ACTR1B: variants seen among roughly 807,000 people sequenced by gnomAD.
The protein encoded by ACTR1B is beta-centractin.
In ACTR1B, 34 loss-of-function variants were observed where a neutral mutation model predicts 49.4. That is an observed-to-expected ratio of 0.69 (90% confidence interval 0.52 to 0.92). The LOEUF (loss-of-function observed/expected upper bound fraction) is 0.92. Among genes scored for constraint, ACTR1B ranks in the 40% least tolerant of loss-of-function variants. The probability of loss-of-function intolerance (pLI) is 0.00; values close to 1 mark genes in which losing one functional copy is unlikely to be tolerated. For missense variants in ACTR1B, 471 were observed against 522.4 expected (o/e 0.90, Z 0.96); for synonymous variants, 207 against 207.8 (o/e 1.00, Z 0.03).
intron 8 of ACTR1B, 83 bp from the exon 9 acceptor site, chr2:97,657,592 C>T: frequency 1.5e-6 from 2 of 1,378,214 alleles, no homozygotes; most frequent in Non-Finnish European, 2.1e-6. Flanking sequence ...TCAGGGCCCC[C>T]AGCTACTGCT....
rs925663655 is a variant in ACTR1B at position 97,656,806 on chromosome 2, C to T, written c.*52G>A. 5.5e-6 allele frequency: 8 copies of T among 1,465,438 alleles called. No individual in the cohort carries two copies. In the African/African-American group the frequency reaches 9.8e-5, roughly 18 times the overall value. 90.8% of individuals were successfully genotyped at this position (1,465,438 alleles called of 1,614,324 possible). ...AGCCAAGACCAAAAAGGGTTAAAGG[C>T]TCTGTCTCCCCTCCCTCCCCCTCTC... On this transcript the variant is annotated 3_prime_UTR_variant, in exon 11 of 11. Coordinates refer to ENST00000289228, the MANE Select transcript of ACTR1B (RefSeq NM_005735.4).
rs555644498 is a variant in ACTR1B, at chr2:97,657,079, T to C, written c.1028+73A>G. ...GAAATCCACCCACCTCCACGTGGCC[T>C]AGGCCAACAATGGGAGGAGCATCCA... On this transcript the variant is annotated intron_variant, in intron 10 of 10. Coordinates refer to ENST00000289228, the MANE Select transcript of ACTR1B (RefSeq NM_005735.4). 1.7e-5 allele frequency: 27 copies of C among 1,595,456 alleles called. No homozygotes were observed. In the Admixed American group the frequency reaches 3.4e-4, roughly 20 times the overall value.
intron 2 of ACTR1B, 22 bp downstream of exon 2, chr2:97,661,860 C>T: frequency 6.3e-7 from 1 of 1,574,946 alleles, no homozygotes; most frequent in Non-Finnish European, 8.6e-7. Context: ...AGGACTAAGG[C>T]TGCTGCCTGA....
In ACTR1B at chr2:97,659,149, G is replaced by A; in HGVS notation, c.316-146C>T. On this transcript the variant is annotated intron_variant, in intron 4 of 10. Coordinates refer to ENST00000289228, the MANE Select transcript of ACTR1B (RefSeq NM_005735.4). This position sits in a 1 kb window ranked among gnomAD's most constrained non-coding sequence, Gnocchi z 4.0. ...GGCCCCATCCCTTTATCTGCTGGCA[G>A]TTACTCTTCCGGAGATCCGGCTCTC... 1 of 1,461,280 alleles carries A rather than the reference G, an allele frequency of 6.8e-7. No homozygotes were observed. Among genetic ancestry groups the A allele is most frequent in the Non-Finnish European group, 9.3e-7 (1 of 1,070,386 alleles). The allele number at this position is 1,461,280 out of a possible 1,614,324, so 90.5% of individuals were successfully genotyped here. A position where few individuals can be genotyped will look rare whatever the true frequency, so the allele number is the denominator to read the frequency against.
At chr2:97,661,623 C>A (rs1675012477) in intron 2 of ACTR1B, among the ~76,000 whole-genome samples, 1 of 152,242 alleles carries the variant, frequency 6.6e-6, no homozygotes, top group African/African-American at 2.4e-5. Flanking sequence ...TACCACACCC[C>A]ATCCCCAGGG....
In ACTR1B at chr2:97,663,884, A is replaced by C. The variant is rs1311846712; in HGVS notation, c.7T>G (p.Ser3Ala). 1 of 1,353,376 alleles carries C rather than the reference A, an allele frequency of 7.4e-7. No individual in the cohort carries two copies. The highest frequency in any genetic ancestry group is 9.7e-7 in the Non-Finnish European group (1 of 1,035,694). 83.8% of individuals were successfully genotyped at this position (1,353,376 alleles called of 1,614,324 possible). Residue 3 changes from serine (S) to alanine (A), a missense_variant, in exon 1 of 11, where the codon TCC becomes GCC. Coordinates refer to ENST00000289228, the MANE Select transcript of ACTR1B (RefSeq NM_005735.4). ME[S>A]YDIIANQPVV... The stretch of plus-strand genomic sequence containing the variant: ...GGCTGGTTGGCGATGATGTCGTAGG[A>C]CTCCATGGCCGGGCCGCGCCGGCCC...
rs1674942376 is a variant in ACTR1B, at chr2:97,659,107, C to T, written c.316-104G>A. ...CCCGCTGGCGCACAGGCAGCTCAGCCTCCTACCCCTCCTGAGGGCCCCATC... is the reference window on the plus strand; with the variant it reads ...CCCGCTGGCGCACAGGCAGCTCAGCTTCCTACCCCTCCTGAGGGCCCCATC... On this transcript the variant is annotated intron_variant, in intron 4 of 10. Transcript: ENST00000289228. The surrounding 1 kb of genome is among the most constrained non-coding windows in gnomAD (Gnocchi z 4.0). 13 of 1,549,386 alleles carry T rather than the reference C, an allele frequency of 8.4e-6. No homozygotes were observed. Among genetic ancestry groups the T allele is most frequent in the Non-Finnish European group, 6.2e-6 (7 of 1,135,318 alleles).
chr2:97,663,516 AG>A (rs1675086143), intron 1 of ACTR1B, among the ~76,000 whole-genome samples: 1 of 152,210 alleles, frequency 6.6e-6, no homozygotes, highest in African/African-American at 2.4e-5. Flanking sequence ...AAACCTGCCC[AG>A]GAACCGCACT....
Position 97,660,647 on chromosome 2 carries a change from CTG to C in ACTR1B, c.114-3_114-2del. ...CCGCATGTGCTTCGGCCGCCCGACA[CTG>C]TTAGGACGGATAACGTCAGCAAGGT... On this transcript the variant is annotated splice_acceptor_variant and splice_polypyrimidine_tract_variant and intron_variant, in intron 2 of 10. Coordinates refer to ENST00000289228, the MANE Select transcript of ACTR1B (RefSeq NM_005735.4). LOFTEE classifies it high-confidence loss of function. 1 of 1,614,044 alleles carries C rather than the reference CTG, an allele frequency of 6.2e-7. No individual in the cohort carries two copies.
rs58184071 is a variant in ACTR1B at position 97,661,972 on chromosome 2, G to A, written c.49-26C>T. Reference sequence around the variant, plus strand: ...CTGCAAGGAAAAACAAAGTTGAGCTGCCCACATGCACCACCAGATGAAGCC... The same window carrying A: ...CTGCAAGGAAAAACAAAGTTGAGCTACCCACATGCACCACCAGATGAAGCC... On this transcript the variant is annotated intron_variant, in intron 1 of 10. Coordinates refer to ENST00000289228, the MANE Select transcript of ACTR1B (RefSeq NM_005735.4). 1.9e-3 allele frequency: 2,968 copies of A among 1,570,090 alleles called. 49 individuals are homozygous for A. The African/African-American group carries it at 0.033, about 18-fold the overall frequency.
chr2:97,656,505 A>C lies in ACTR1B; in HGVS notation c.*353T>G. 1 of 271,356 alleles carries C rather than the reference A, an allele frequency of 3.7e-6. No individual in the cohort carries two copies. The highest frequency in any genetic ancestry group is 7.2e-6 in the Non-Finnish European group (1 of 138,992). The allele number at this position is 271,356 out of a possible 1,614,324, so 16.8% of individuals were successfully genotyped here. The stretch of plus-strand genomic sequence containing the variant: ...TTGCAGCCCACTCCCCAAACTGGCT[A>C]CCCAGGCATCCAGGCATTCTGGCCC... On this transcript the variant is annotated 3_prime_UTR_variant, in exon 11 of 11. Transcript: ENST00000289228.
chr2:97,660,189 C>T (rs1028001024), intron 3 of ACTR1B, among the ~76,000 whole-genome samples: 3 of 152,256 alleles, frequency 2.0e-5, no homozygotes, highest in Admixed American at 2.0e-4. Flanking sequence ...CCCACACCCA[C>T]ACATGCTCTC....
Position 97,664,035 on chromosome 2 carries a change from G to C in ACTR1B, c.-145C>G. 2.8e-6 allele frequency: 1 copy of C among 363,268 alleles called. No homozygotes were observed. Among genetic ancestry groups the C allele is most frequent in the Non-Finnish European group, 4.6e-6 (1 of 216,270 alleles). The allele number at this position is 363,268 out of a possible 1,614,324, so 22.5% of individuals were successfully genotyped here. A position where few individuals can be genotyped will look rare whatever the true frequency, so the allele number is the denominator to read the frequency against. The stretch of plus-strand genomic sequence containing the variant: ...AGCCTGCAGCCTACGCGAGCCCCGC[G>C]GGGCTTTCTGGAGGGCGGGCCCGGC... On this transcript the variant is annotated 5_prime_UTR_variant, in exon 1 of 11. Transcript: ENST00000289228.
Position 97,659,485 on chromosome 2 carries a change from G to A in ACTR1B, c.190-8C>T, listed in dbSNP as rs1381531258. 6.2e-7 allele frequency: 1 copy of A among 1,612,808 alleles called. No homozygotes were observed. The highest frequency in any genetic ancestry group is 2.2e-5 in the East Asian group (1 of 44,872). On this transcript the variant is annotated splice_polypyrimidine_tract_variant and splice_region_variant and intron_variant, in intron 3 of 10. Coordinates refer to ENST00000289228, the MANE Select transcript of ACTR1B (RefSeq NM_005735.4). The surrounding 1 kb of genome is among the most constrained non-coding windows in gnomAD (Gnocchi z 4.0). ...CAGCAGCCCCCGGTGCTCCTGGTGG[G>A]GTGGGAAGGGAGGTGTGGCACCCGG... is the stretch of plus-strand genomic sequence containing the variant.
Position 97,657,616 on chromosome 2 carries a change from C to T in ACTR1B, c.926-107G>A, listed in dbSNP as rs1033201854. 2.8e-5 allele frequency: 32 copies of T among 1,162,720 alleles called. No homozygotes were observed. The Admixed American group carries it at 4.2e-4, about 15-fold the overall frequency. 72.0% of individuals were successfully genotyped at this position (1,162,720 alleles called of 1,614,324 possible). Reference sequence around the variant, plus strand: ...CCAGCTACTGCTGGTCCTCTATCAGCAGCTCTTCCCAGGATGAAGGGCAAG... The same window carrying T: ...CCAGCTACTGCTGGTCCTCTATCAGTAGCTCTTCCCAGGATGAAGGGCAAG... On this transcript the variant is annotated intron_variant, in intron 8 of 10. Coordinates refer to ENST00000289228, the MANE Select transcript of ACTR1B (RefSeq NM_005735.4).
At chr2:97,663,540 G>A (rs182434729) in intron 1 of ACTR1B, among the ~76,000 whole-genome samples, 29 of 152,302 alleles carry the variant, frequency 1.9e-4, no homozygotes, top group Non-Finnish European at 3.1e-4. Flanking sequence ...CAACTGAGAA[G>A]AGTCCGGGGC....
intron 3 of ACTR1B, among the ~76,000 whole-genome samples, chr2:97,660,289 G>A (rs892627326): frequency 6.6e-6 from 1 of 152,256 alleles, no homozygotes; most frequent in Admixed American, 6.5e-5. Flanking sequence ...TAGAGCAGAC[G>A]TGAAGTGTGT....
Position 97,664,043 on chromosome 2 carries a change from C to G in ACTR1B, c.-153G>C. On this transcript the variant is annotated 5_prime_UTR_variant, in exon 1 of 11. Coordinates refer to ENST00000289228, the MANE Select transcript of ACTR1B (RefSeq NM_005735.4). The stretch of plus-strand genomic sequence containing the variant: ...GCCTACGCGAGCCCCGCGGGGCTTT[C>G]TGGAGGGCGGGCCCGGCGGCCAATC... 1 of 341,630 alleles carries G rather than the reference C, an allele frequency of 2.9e-6. No homozygotes were observed. The highest frequency in any genetic ancestry group is 5.1e-6 in the Non-Finnish European group (1 of 197,824). The allele number at this position is 341,630 out of a possible 1,614,324, so 21.2% of individuals were successfully genotyped here.
intron 2 of ACTR1B, among the ~76,000 whole-genome samples, chr2:97,661,583 G>C (rs889831413): frequency 2.0e-5 from 3 of 152,204 alleles, no homozygotes; most frequent in Non-Finnish European, 4.4e-5. Context: ...GGCTCCCCTC[G>C]GAGATGTCTC....
Sources: gnomAD v4.1 joint callset for allele counts (sites outside exome capture counted in the v4.1 genomes callset) on GRCh38, gnomAD v4.1.1 for gene constraint, Gnocchi (gnomAD v3.1) non-coding constraint, MANE v1.5 for transcripts, NCBI Gene and HGNC (gene_info 2026-07-23, HGNC 2026-07-21) for gene names.